The following ZNF507 variants were observed in gnomAD, a reference collection of about 807,000 sequenced individuals.
ZNF507 encodes zinc finger protein 507.
ZNF507 carries 29 observed loss-of-function variants against 80.0 expected under a neutral mutation model. That is an observed-to-expected ratio of 0.36 (90% CI 0.27 to 0.49). ZNF507 has a LOEUF of 0.49. Among genes scored for constraint, ZNF507 ranks in the 20% least tolerant of loss-of-function variants. The probability of loss-of-function intolerance (pLI) is 0.98; values close to 1 mark genes in which losing one functional copy is unlikely to be tolerated. For missense variants in ZNF507, 1,081 were observed against 1,152.2 expected (o/e 0.94, Z 0.90); for synonymous variants, 462 against 422.5 (o/e 1.09, Z -1.15).
chr19:32,347,604 T>C (rs1056636244), intron 2 of ZNF507, among the ~76,000 whole-genome samples: 22 of 152,062 alleles, frequency 1.4e-4, no homozygotes, highest in Admixed American at 1.4e-3. Flanking sequence ...GTTACCACTT[T>C]GTGTCTGTGA....
At chr19:32,358,011 C>T (rs951768893) in intron 4 of ZNF507, 1 of 152,172 alleles carries the variant, frequency 6.6e-6, no homozygotes, top group African/African-American at 2.4e-5. Context: ...AAAATAACCA[C>T]TTCAGACTTT....
chr19:32,376,468 C>T (rs1296903231), intron 5 of ZNF507, among the ~76,000 whole-genome samples: 1 of 152,122 alleles, frequency 6.6e-6, no homozygotes, highest in Non-Finnish European at 1.5e-5. Context: ...GTCTCAGGTC[C>T]AGCATGTAAG....
chr19:32,371,935 A>G (rs1292597341), intron 5 of ZNF507, among the ~76,000 whole-genome samples: 1 of 152,122 alleles, frequency 6.6e-6, no homozygotes, highest in Non-Finnish European at 1.5e-5. Context: ...CACCACGCCC[A>G]GTCCATTCTT....
In ZNF507 at chr19:32,382,830, C is replaced by T. The variant is rs1967641697; in HGVS notation, c.2609C>T (p.Thr870Ile). 4 of 1,614,026 alleles carry T rather than the reference C, an allele frequency of 2.5e-6. No homozygotes were observed. The highest frequency in any genetic ancestry group is 1.3e-5 in the African/African-American group (1 of 74,912). The change falls in exon 7 of 7, where the codon ACT becomes ATT. Residue 870 changes from threonine (T) to isoleucine (I), a missense_variant. Around this residue, in one of 6 missense-constraint regions of ZNF507, gnomAD observed 138 missense variants for 158.4 expected, o/e 0.87. Transcript: ENST00000355898. The stretch of plus-strand genomic sequence containing the variant: ...TCATCTTCAGAACTGATGTCCCAGA[C>T]TCCCAGTGAAGTTCTGGGTACCAAC... ...AVSSSELMSQ[T>I]PSEVLGTNEN...
At chr19:32,376,245 CTA>C in intron 5 of ZNF507, among the ~76,000 whole-genome samples, 1 of 152,140 alleles carries the variant, frequency 6.6e-6, no homozygotes. Flanking sequence ...AGTGATAACG[CTA>C]TGAGTGATTT....
chr19:32,374,315 A>G (rs1463813083), intron 5 of ZNF507, among the ~76,000 whole-genome samples: 1 of 152,110 alleles, frequency 6.6e-6, no homozygotes, highest in Non-Finnish European at 1.5e-5. Context: ...TTGTTTCCAT[A>G]TAAGAAAGTT....
At chr19:32,368,263 AGTCTGGG>A (rs1368768244) in intron 5 of ZNF507, among the ~76,000 whole-genome samples, 2 of 152,220 alleles carry the variant, frequency 1.3e-5, no homozygotes, top group African/African-American at 4.8e-5. Context: ...TGTCCCATAC[AGTCTGGG>A]GTCTCATCAG....
chr19:32,382,470 C>T lies in ZNF507; in HGVS notation c.2364C>T (p.Cys788=). ...RIHNSDKPYR[C]SLCGYVCSHP... is the part of the protein sequence containing the mutation. The stretch of plus-strand genomic sequence containing the variant: ...CCCTTGCCTGCCTGTCTTCCAGATG[C>T]TCTCTGTGTGGGTATGTGTGTAGCC... The change falls in exon 6 of 7, where the codon TGC becomes TGT. Residue 788 remains cysteine, a synonymous_variant. Coordinates refer to ENST00000355898, the MANE Select transcript of ZNF507 (RefSeq NM_001136156.2). 1.2e-6 allele frequency: 2 copies of T among 1,613,122 alleles called. No homozygotes were observed. Among genetic ancestry groups the T allele is most frequent in the Non-Finnish European group, 1.7e-6 (2 of 1,179,518 alleles).
chr19:32,353,158 T>G lies in ZNF507; in HGVS notation c.328T>G (p.Phe110Val). 6.2e-7 allele frequency: 1 copy of G among 1,614,148 alleles called. No individual in the cohort carries two copies. Among genetic ancestry groups the G allele is most frequent in the Non-Finnish European group, 8.5e-7 (1 of 1,180,036 alleles). Residue 110 changes from phenylalanine to valine, a missense_variant, in exon 3 of 7, where the codon TTT becomes GTT. Transcript: ENST00000355898. ...AAGGGCTGAGATGTCACAAACAAAT[T>G]TTACCCCTGACACTCTTGCCCAGAA... The part of the protein sequence containing the change: ...TRRAEMSQTN[F>V]TPDTLAQNEG...
intron 6 of ZNF507, 21 bp from the exon 7 acceptor site, chr19:32,382,696 T>G (rs1967639294): frequency 6.2e-7 from 1 of 1,609,586 alleles, no homozygotes; most frequent in Non-Finnish European, 8.5e-7. Flanking sequence ...CACGGTGTGC[T>G]GTGTTTGTTT....
intron 2 of ZNF507, among the ~76,000 whole-genome samples, chr19:32,350,047 T>A (rs1967141973): frequency 6.6e-6 from 1 of 152,198 alleles, no homozygotes; most frequent in Non-Finnish European, 1.5e-5. Context: ...TTATTTCATC[T>A]CTTTTGTTCA....
intron 5 of ZNF507, among the ~76,000 whole-genome samples, chr19:32,378,174 G>A (rs1599559245): frequency 6.6e-6 from 1 of 152,196 alleles, no homozygotes; most frequent in African/African-American, 2.4e-5. Flanking sequence ...CTAACATGAC[G>A]AAACCCCATC....
chr19:32,359,641 C>T (rs1288503078), intron 4 of ZNF507: 2 of 152,188 alleles, frequency 1.3e-5, no homozygotes, highest in Admixed American at 1.3e-4. Flanking sequence ...AATTACTCAG[C>T]CCTGTTGTTG....
chr19:32,378,751 G>A (rs552605386), intron 5 of ZNF507, among the ~76,000 whole-genome samples: 68 of 151,966 alleles, frequency 4.5e-4, no homozygotes, highest in Non-Finnish European at 7.4e-4. Context: ...TGAGATTTCT[G>A]GAGTTTACTT....
At chr19:32,349,584 A>G (rs1967136763) in intron 2 of ZNF507, among the ~76,000 whole-genome samples, 1 of 152,226 alleles carries the variant, frequency 6.6e-6, no homozygotes, top group Non-Finnish European at 1.5e-5. Flanking sequence ...AGTATTAAGA[A>G]TTTAAAATTT....
chr19:32,358,541 G>C (rs916863568), intron 4 of ZNF507: 1 of 152,272 alleles, frequency 6.6e-6, no homozygotes, highest in African/African-American at 2.4e-5. Flanking sequence ...ACTCAGTGAA[G>C]AAGACAGAAC....
chr19:32,369,674 G>A (rs1447999413), intron 5 of ZNF507, among the ~76,000 whole-genome samples: 2 of 151,900 alleles, frequency 1.3e-5, no homozygotes, highest in Admixed American at 6.6e-5. Context: ...TATATTGGAG[G>A]TTAACAATAT....
At position 32,356,716 on chromosome 19, in the gene ZNF507, G is replaced by A; in HGVS notation, c.2228G>A (p.Gly743Glu). 1 of 1,613,842 alleles carries A rather than the reference G, an allele frequency of 6.2e-7. No homozygotes were observed. Residue 743 changes from glycine to glutamate, a missense_variant, in exon 4 of 7, where the codon GGA (glycine) becomes GAA (glutamate). Gly to Glu is a moderately conservative substitution (Grantham distance 98). Around this residue, in one of 6 missense-constraint regions of ZNF507, gnomAD observed 614 missense variants for 583.9 expected, o/e 1.05. Coordinates refer to ENST00000355898, the MANE Select transcript of ZNF507 (RefSeq NM_001136156.2). The stretch of plus-strand genomic sequence containing the variant: ...AGAATTTCCAGTGATACAGCTGATG[G>A]AAAATGTGTCCAGGAAGGTATCTAT... ...EPRISSDTAD[G>E]KCVQEGNKSS...
intron 5 of ZNF507, among the ~76,000 whole-genome samples, chr19:32,367,622 A>G (rs1967416226): frequency 6.6e-6 from 1 of 152,216 alleles, no homozygotes; most frequent in Admixed American, 6.5e-5. Flanking sequence ...TCTGTTGAGT[A>G]AGGTAGACGA....
Sources: gnomAD v4.1 joint callset for allele counts (sites outside exome capture counted in the v4.1 genomes callset) on GRCh38, gnomAD v4.1.1 for gene constraint, gnomAD v4.1.1 regional missense constraint, MANE v1.5 for transcripts, NCBI Gene and HGNC (gene_info 2026-07-23, HGNC 2026-07-21) for gene names.